Variants in GPHN observed in about 807,000 individuals in gnomAD.
GPHN encodes gephyrin.
In GPHN, 17 loss-of-function variants were observed where a neutral mutation model predicts 95.5. The ratio of observed to expected loss-of-function variants is 0.18; its 90% CI spans 0.12 to 0.27. The LOEUF (loss-of-function observed/expected upper bound fraction) is 0.27. GPHN is among the 10% of genes least tolerant of loss of function. The pLI is 1.00. For missense variants in GPHN, 660 were observed against 978.1 expected (o/e 0.67, Z 4.34); for synonymous variants, 320 against 322.5 (o/e 0.99, Z 0.08).
At chr14:67,709,179 A>AAC in the GPHN span, among the ~76,000 whole-genome samples, 4 of 152,230 alleles carry the variant, frequency 2.6e-5, no homozygotes, top group Non-Finnish European at 4.4e-5. Context: ...AAAGGTTTAA[A>AAC]ACACTTGATA....
Position 67,165,088 on chromosome 14 carries a change from A to G in GPHN, c.1911-74A>G. ...TTATATGATAAGTGTATGGATTACA[A>G]AAACACTGGAGTACTTAATGTATTC... On this transcript the variant is annotated intron_variant, in intron 19 of 22. Coordinates refer to ENST00000478722, the MANE Select transcript of GPHN (RefSeq NM_020806.5). The G allele has an allele frequency of 2.9e-6, 3 of 1,020,518 alleles. No homozygotes were observed. The South Asian group carries it at 3.8e-5, about 13-fold the overall frequency. 63.2% of individuals were successfully genotyped at this position (1,020,518 alleles called of 1,614,324 possible). A position where few individuals can be genotyped will look rare whatever the true frequency, so the allele number is the denominator to read the frequency against.
chr14:67,549,214 C>T, the GPHN span, among the ~76,000 whole-genome samples: 54 of 151,416 alleles, frequency 3.6e-4, no homozygotes, highest in African/African-American at 1.3e-3. Flanking sequence ...AAGATGCCTT[C>T]TAGGGCTTTT....
At chr14:67,595,174 A>G in the GPHN span, among the ~76,000 whole-genome samples, 1 of 152,210 alleles carries the variant, frequency 6.6e-6, no homozygotes, top group South Asian at 2.1e-4. Flanking sequence ...AAGAACACTT[A>G]CATTAGCCTA....
chr14:67,106,864 T>A lies in GPHN; in HGVS notation c.1294-3276T>A, dbSNP rs1047586544. On this transcript the variant is annotated intron_variant, in intron 13 of 22. Transcript: ENST00000478722. ...AGTCTGTTACTAGAGATGTATTCCT[T>A]TAGTGGTGTCATATTTCCTTGCTTT... is the stretch of plus-strand genomic sequence containing the variant. 1.4e-4 allele frequency among the ~76,000 whole-genome samples: 21 copies of A among 152,322 alleles called. No homozygotes were observed. In the East Asian group the frequency reaches 2.3e-3, roughly 17 times the overall value.
At chr14:67,459,130 C>T in the GPHN span, among the ~76,000 whole-genome samples, 68 of 152,276 alleles carry the variant, frequency 4.5e-4, no homozygotes, top group Middle Eastern at 3.4e-3. Flanking sequence ...CCCCATGATT[C>T]GCCCACCTCA....
intron 8 of GPHN, among the ~76,000 whole-genome samples, chr14:66,951,903 T>C (rs1306940609): frequency 1.3e-5 from 2 of 152,050 alleles, no homozygotes; most frequent in Non-Finnish European, 2.9e-5. Flanking sequence ...TATACAAAAA[T>C]CAACTCCAGG....
At chr14:67,637,370 C>T in the GPHN span, among the ~76,000 whole-genome samples, 1 of 137,898 alleles carries the variant, frequency 7.3e-6, no homozygotes, top group African/African-American at 2.6e-5. Context: ...GAGATCATGC[C>T]ATTGCACTCC....
intron 19 of GPHN, among the ~76,000 whole-genome samples, chr14:67,161,223 G>A (rs1286995718): frequency 6.6e-6 from 1 of 152,156 alleles, no homozygotes; most frequent in East Asian, 1.9e-4. Context: ...GAGCTGGGAA[G>A]CAGAGGTTAC....
chr14:67,542,108 C>A, the GPHN span: 1 of 1,001,204 alleles, frequency 1.0e-6, no homozygotes, highest in Non-Finnish European at 1.4e-6. Flanking sequence ...TGCTTTTCCC[C>A]ATATGCAAAA....
downstream of GPHN, among the ~76,000 whole-genome samples, chr14:67,184,166 A>G (rs1229944727): frequency 6.6e-6 from 1 of 152,212 alleles, no homozygotes; most frequent in Non-Finnish European, 1.5e-5. Context: ...AAATAGGTAT[A>G]AGATGTTTGT....
chr14:67,070,229 C>T (rs2076227560), intron 11 of GPHN, among the ~76,000 whole-genome samples: 1 of 151,534 alleles, frequency 6.6e-6, no homozygotes, highest in African/African-American at 2.4e-5. Context: ...CTGCATTCTT[C>T]AAAATGTATA....
chr14:67,725,292 G>T, the GPHN span: 1 of 1,608,430 alleles, frequency 6.2e-7, no homozygotes, highest in South Asian at 1.1e-5. Context: ...GCAGGAAATT[G>T]GGTATGGGAG....
At chr14:67,568,039 G>A in the GPHN span, among the ~76,000 whole-genome samples, 2 of 152,284 alleles carry the variant, frequency 1.3e-5, no homozygotes, top group African/African-American at 4.8e-5. Context: ...TCTGCATGGG[G>A]GTGCTGGAGT....
the GPHN span, chr14:67,294,246 T>C: frequency 6.6e-6 from 1 of 152,162 alleles, no homozygotes; most frequent in South Asian, 2.1e-4. Context: ...AGAACGTGAA[T>C]GGTTTCCCCT....
intron 4 of GPHN, among the ~76,000 whole-genome samples, chr14:66,838,578 G>T (rs2061953661): frequency 6.6e-6 from 1 of 152,094 alleles, no homozygotes; most frequent in Admixed American, 6.6e-5. Context: ...AGAATACTTT[G>T]GTTTTGCAAA....
chr14:67,022,607 ATTTTTC>A (rs1274148955), intron 9 of GPHN, among the ~76,000 whole-genome samples: 2 of 46,152 alleles, frequency 4.3e-5, no homozygotes, highest in African/African-American at 8.9e-5. Flanking sequence ...GTGTGTGTGT[ATTTTTC>A]TTGTATGTAT....
In GPHN at chr14:66,821,005, C is replaced by A. The variant is rs557669161; in HGVS notation, c.202-3469C>A. 5.3e-5 allele frequency among the ~76,000 whole-genome samples: 8 copies of A among 152,190 alleles called. No individual in the cohort carries two copies. The East Asian group carries it at 1.5e-3, about 29-fold the overall frequency. On this transcript the variant is annotated intron_variant, in intron 3 of 22. Transcript: ENST00000478722. ...AGTTAATCACTAAAATAAACAATGT[C>A]CTCAGCCTCACTTTTGCAACAGATG...
the GPHN span, chr14:67,587,090 T>G: frequency 4.0e-3 from 6,437 of 1,609,916 alleles, 23 homozygotes; most frequent in Non-Finnish European, 4.8e-3. Flanking sequence ...GAAGCTACCT[T>G]CATCATGGCC....
At chr14:67,083,536 T>G (rs1038213237) in intron 11 of GPHN, among the ~76,000 whole-genome samples, 1 of 152,186 alleles carries the variant, frequency 6.6e-6, no homozygotes, top group Non-Finnish European at 1.5e-5. Flanking sequence ...CTTATCTTTA[T>G]AAATTACCCA....
Sources: gnomAD v4.1 joint callset for allele counts (sites outside exome capture counted in the v4.1 genomes callset) on GRCh38, gnomAD v4.1.1 for gene constraint, MANE v1.5 for transcripts, NCBI Gene and HGNC (gene_info 2026-07-23, HGNC 2026-07-21) for gene names.